CCDC85A: variants seen among roughly 807,000 people sequenced by gnomAD.
CCDC85A encodes the protein coiled-coil domain containing 85A.
Under a neutral mutation model 50.2 loss-of-function variants are expected in CCDC85A, and 38 were observed. The ratio of observed to expected loss-of-function variants is 0.76; its 90% CI spans 0.58 to 0.99. The LOEUF is 0.99. Among genes scored for constraint, CCDC85A ranks in the 50% least tolerant of loss-of-function variants. The pLI, the probability that CCDC85A is intolerant of heterozygous loss-of-function variation, is 0.00. For synonymous variants in CCDC85A, 366 were observed against 301.4 expected (o/e 1.21, Z -2.22); for missense variants, 820 against 742.0 (o/e 1.11, Z -1.22).
At chr2:56,342,621 C>A (rs972076226) in intron 2 of CCDC85A, among the ~76,000 whole-genome samples, 1 of 152,276 alleles carries the variant, frequency 6.6e-6, no homozygotes, top group South Asian at 2.1e-4. Context: ...TACTAATCGT[C>A]AATTGTGTGT....
intron 2 of CCDC85A, among the ~76,000 whole-genome samples, chr2:56,204,191 T>A (rs1676865124): frequency 6.6e-6 from 1 of 152,184 alleles, no homozygotes; most frequent in Non-Finnish European, 1.5e-5. Context: ...ACATCATAAT[T>A]TCATAGAAGA....
At chr2:56,367,592 G>T (rs1675861328) in intron 3 of CCDC85A, among the ~76,000 whole-genome samples, 1 of 151,974 alleles carries the variant, frequency 6.6e-6, no homozygotes, top group Admixed American at 6.6e-5. Flanking sequence ...AAGATATTTG[G>T]CAACATCCTT....
chr2:56,318,993 T>G (rs992743712), intron 2 of CCDC85A, among the ~76,000 whole-genome samples: 14 of 152,176 alleles, frequency 9.2e-5, no homozygotes, highest in Admixed American at 9.2e-4. Context: ...ATGATTGTAG[T>G]CCTAGATCTG....
chr2:56,304,919 C>CAAA (rs1558632383), intron 2 of CCDC85A, among the ~76,000 whole-genome samples: 7 of 109,182 alleles, frequency 6.4e-5, no homozygotes, highest in African/African-American at 2.6e-4. Flanking sequence ...AAACAAAAAA[C>CAAA]AAACAAACAA....
rs73940612 is a variant in CCDC85A, at chr2:56,193,971, T to A, written c.1240+531T>A. Among the ~76,000 whole-genome samples, 241 of 152,372 alleles carry A rather than the reference T, an allele frequency of 1.6e-3. 2 individuals carry two copies. Among genetic ancestry groups the A allele is most frequent in the African/African-American group, 5.5e-3 (228 of 41,602 alleles). On this transcript the variant is annotated intron_variant, in intron 2 of 5. Transcript: ENST00000407595. ...TGATGCTGGTCTGCCCAAATGGCTA[T>A]AAATATGCCTGACTTTACCTTAAGG...
At chr2:56,283,341 T>C (rs1671290127) in intron 2 of CCDC85A, among the ~76,000 whole-genome samples, 1 of 152,192 alleles carries the variant, frequency 6.6e-6, no homozygotes, top group Non-Finnish European at 1.5e-5. Context: ...TAGGTGTTAA[T>C]TTTGTCAAAT....
intron 3 of CCDC85A, among the ~76,000 whole-genome samples, chr2:56,355,587 G>GAAGC (rs1375269185): frequency 6.6e-6 from 1 of 152,056 alleles, no homozygotes; most frequent in African/African-American, 2.4e-5. Flanking sequence ...TAGTGATATA[G>GAAGC]AAGCAACCTT....
At chr2:56,352,883 C>T (rs1367274269) in intron 3 of CCDC85A, among the ~76,000 whole-genome samples, 1 of 152,076 alleles carries the variant, frequency 6.6e-6, no homozygotes, top group African/African-American at 2.4e-5. Flanking sequence ...CTCTCTAAGC[C>T]TTATATAGCT....
intron 2 of CCDC85A, among the ~76,000 whole-genome samples, chr2:56,290,068 C>G (rs1671633250): frequency 6.6e-6 from 1 of 152,204 alleles, no homozygotes. Context: ...CAGTCTGCTG[C>G]TCTGCTCTGC....
chr2:56,266,574 ACG>A (rs1439807076), intron 2 of CCDC85A, among the ~76,000 whole-genome samples: 3 of 81,828 alleles, frequency 3.7e-5, no homozygotes, highest in East Asian at 1.2e-3. Flanking sequence ...ATTAACAATA[ACG>A]CGCCCCCCCC....
chr2:56,262,071 T>C (rs917725929), intron 2 of CCDC85A, among the ~76,000 whole-genome samples: 2 of 152,152 alleles, frequency 1.3e-5, no homozygotes, highest in African/African-American at 4.8e-5. Context: ...TATTTTCAGT[T>C]AAGAAAATAC....
intron 2 of CCDC85A, among the ~76,000 whole-genome samples, chr2:56,220,816 C>G (rs1440917685): frequency 6.6e-6 from 1 of 152,010 alleles, no homozygotes; most frequent in Non-Finnish European, 1.5e-5. Context: ...TTGATACATT[C>G]TCTTTTGTCT....
chr2:56,261,435 A>G (rs1670215056), intron 2 of CCDC85A, among the ~76,000 whole-genome samples: 1 of 152,176 alleles, frequency 6.6e-6, no homozygotes, highest in Non-Finnish European at 1.5e-5. Flanking sequence ...AACCAAATTC[A>G]TATGCTAAGA....
intron 2 of CCDC85A, among the ~76,000 whole-genome samples, chr2:56,314,675 A>C (rs1191079708): frequency 6.6e-6 from 1 of 152,112 alleles, no homozygotes; most frequent in South Asian, 2.1e-4. Flanking sequence ...ATTGGAAGGG[A>C]TATAGCTTGG....
At chr2:56,374,555 T>C (rs1376827402) in intron 4 of CCDC85A, among the ~76,000 whole-genome samples, 1 of 152,180 alleles carries the variant, frequency 6.6e-6, no homozygotes, top group Non-Finnish European at 1.5e-5. Flanking sequence ...ATGCCTGTAA[T>C]CCTAGCACTT....
At chr2:56,382,128 G>C (rs183362109) in intron 5 of CCDC85A, among the ~76,000 whole-genome samples, 9 of 152,056 alleles carry the variant, frequency 5.9e-5, no homozygotes, top group Admixed American at 5.3e-4. Flanking sequence ...TTAATTATAT[G>C]ATCAAAAACA....
intron 2 of CCDC85A, among the ~76,000 whole-genome samples, chr2:56,309,302 C>G (rs573470075): frequency 6.6e-6 from 1 of 152,266 alleles, no homozygotes; most frequent in South Asian, 2.1e-4. Context: ...TAATAAGCAG[C>G]TACACAGATC....
At chr2:56,375,405 A>C (rs1676286536) in intron 4 of CCDC85A, among the ~76,000 whole-genome samples, 1 of 152,246 alleles carries the variant, frequency 6.6e-6, no homozygotes, top group South Asian at 2.1e-4. Flanking sequence ...CAGTTTCTCC[A>C]ACACAAGAAT....
In CCDC85A at chr2:56,184,420, G is replaced by A. The variant is rs1048611976; in HGVS notation, c.-205G>A. The stretch of plus-strand genomic sequence containing the variant: ...CAAGCGGCTGGCTGCCGGGCCCTGG[G>A]GGAGCGCGGGCGCGCGCGCGGGGAT... On this transcript the variant is annotated 5_prime_UTR_variant, in exon 1 of 6. Coordinates refer to ENST00000407595, the MANE Select transcript of CCDC85A (RefSeq NM_001080433.2). 10 of 557,016 alleles carry A rather than the reference G, an allele frequency of 1.8e-5. No individual in the cohort carries two copies. The highest frequency in any genetic ancestry group is 1.6e-4 in the African/African-American group (8 of 50,442). The allele number at this position is 557,016 out of a possible 1,614,324, so 34.5% of individuals were successfully genotyped here. A position where few individuals can be genotyped will look rare whatever the true frequency, so the allele number is the denominator to read the frequency against.
Sources: allele counts gnomAD v4.1 joint callset (sites outside exome capture counted in the v4.1 genomes callset), GRCh38; gene constraint gnomAD v4.1.1; transcripts MANE v1.5; gene names NCBI Gene and HGNC (gene_info 2026-07-23, HGNC 2026-07-21).